Variants in NBPF14 observed in about 807,000 individuals in gnomAD.
NBPF14 encodes NBPF family member NBPF14.
NBPF14 carries 104 observed loss-of-function variants against 91.2 expected under a neutral mutation model. The observed-to-expected ratio is 1.14, with a 90% CI of 0.97 to 1.34. The LOEUF is 1.34. NBPF14 is among the 40% of genes most tolerant of loss of function. The probability of loss-of-function intolerance (pLI) is 0.00; values close to 1 mark genes in which losing one functional copy is unlikely to be tolerated. For missense variants in NBPF14, 908 were observed against 783.0 expected, an observed-to-expected ratio of 1.16 and a Z score of -1.91; for synonymous variants, 294 against 303.8, an observed-to-expected ratio of 0.97 and a Z score of 0.34.
chr1:148,571,483 G>A (rs1659173786), intron 22 of NBPF14, among the ~76,000 whole-genome samples, 199 bp downstream of exon 22: 1 of 13,004 alleles, frequency 7.7e-5, no homozygotes, highest in Non-Finnish European at 1.2e-4. Context: ...TCCACCTACA[G>A]TAGGTTAGTA....
intron 6 of NBPF14, among the ~76,000 whole-genome samples, chr1:148,589,776 A>C (rs1662140633): frequency 6.8e-6 from 1 of 146,678 alleles, no homozygotes; most frequent in African/African-American, 2.5e-5. Context: ...TCTGTCACGC[A>C]GGCTGCAGTG....
intron 29 of NBPF14, 77 bp downstream of exon 29, chr1:148,566,066 G>T: frequency 2.9e-6 from 1 of 342,152 alleles, no homozygotes; most frequent in South Asian, 2.4e-5. Flanking sequence ...GCTCAGTAAT[G>T]GCCACTTGGA....
chr1:148,578,896 C>G (rs1232966283), intron 13 of NBPF14, among the ~76,000 whole-genome samples, 178 bp downstream of exon 13: 1 of 148,098 alleles, frequency 6.8e-6, no homozygotes, highest in East Asian at 2.0e-4. Context: ...GCTCACTGAC[C>G]CACCCCATGC....
At chr1:148,594,399 TG>T (rs2149589365) in intron 2 of NBPF14, among the ~76,000 whole-genome samples, 1 of 127,428 alleles carries the variant, frequency 7.8e-6, no homozygotes, top group East Asian at 2.0e-4. Context: ...TGCCAATTAA[TG>T]TTCAAGGAGA....
chr1:148,590,426 A>G (rs1476158009), intron 6 of NBPF14, among the ~76,000 whole-genome samples: 14 of 125,462 alleles, frequency 1.1e-4, no homozygotes, highest in East Asian at 6.6e-4. Flanking sequence ...AGTGAATGAG[A>G]GTGGGAGGAT....
At chr1:148,583,811 C>A (rs1266329771) in intron 11 of NBPF14, among the ~76,000 whole-genome samples, 1 of 67,594 alleles carries the variant, frequency 1.5e-5, no homozygotes, top group Non-Finnish European at 2.4e-5. Flanking sequence ...AGAGGTTGCA[C>A]CAAGCCAAGA....
chr1:148,561,813 A>T lies in NBPF14; in HGVS notation c.4275-234T>A, dbSNP rs1198934594. 7.7e-4 allele frequency among the ~76,000 whole-genome samples: 105 copies of T among 136,874 alleles called. 9 individuals are homozygous for T. The highest frequency in any genetic ancestry group is 3.2e-3 in the African/African-American group (93 of 28,692). 89.8% of individuals were successfully genotyped at this position (136,874 alleles called of 152,430 possible). A position where few individuals can be genotyped will look rare whatever the true frequency, so the allele number is the denominator to read the frequency against. ...CACACACACACACAAACACACACAC[A>T]CACACAGAGAGAGAGAGAGAGAGAG... On this transcript the variant is annotated intron_variant, in intron 34 of 70. Coordinates refer to ENST00000619423, the Ensembl canonical transcript of NBPF14.
chr1:148,536,548 T>C (rs1279673729), intron 66 of NBPF14, among the ~76,000 whole-genome samples, 152 bp from the exon 67 acceptor site: 12 of 62,320 alleles, frequency 1.9e-4, no homozygotes, highest in East Asian at 4.3e-4. Flanking sequence ...TATGTTGGGA[T>C]AGAACAGGGC....
rs1266641289 is a variant in NBPF14 at position 148,587,396 on chromosome 1, T to C, written c.996A>G (p.Glu332=). 1.6e-5 allele frequency: 25 copies of C among 1,578,592 alleles called. 2 individuals are homozygous for C. In the Middle Eastern group the frequency reaches 1.3e-3, roughly 85 times the overall value. The change falls in exon 8 of 71, where the codon GAA becomes GAG. Residue 332 remains glutamate, a synonymous_variant. Transcript: ENST00000619423. ...TAAATTTTATGAGGTCTTTGCACTC[T>C]TCATATTCTGAGAAAAGACAGACAC...
Position 148,559,784 on chromosome 1 carries a change from G to A in NBPF14, c.4729+9C>T. The A allele has an allele frequency of 6.8e-7, 1 of 1,462,022 alleles. No homozygotes were observed. The highest frequency in any genetic ancestry group is 9.2e-7 in the Non-Finnish European group (1 of 1,083,854). The allele number at this position is 1,462,022 out of a possible 1,614,324, so 90.6% of individuals were successfully genotyped here. A position where few individuals can be genotyped will look rare whatever the true frequency, so the allele number is the denominator to read the frequency against. The stretch of plus-strand genomic sequence containing the variant: ...TGGATCCTTATCACCTTCATAGAAA[G>A]GTACTCACCATCCATGTCAACAGCC... On this transcript the variant is annotated intron_variant, in intron 37 of 70. Transcript: ENST00000619423.
chr1:148,579,946 C>T (rs1199733047), intron 12 of NBPF14, among the ~76,000 whole-genome samples: 15 of 152,022 alleles, frequency 9.9e-5, no homozygotes, highest in African/African-American at 3.6e-4. Flanking sequence ...ATCTGTAGGT[C>T]GCCATCATCA....
chr1:148,572,746 A>T (rs1659304814), intron 20 of NBPF14, 131 bp from the exon 21 acceptor site: 1 of 566,418 alleles, frequency 1.8e-6, no homozygotes, highest in Non-Finnish European at 3.1e-6. Flanking sequence ...GAGGTAACAA[A>T]TTATTGCCTT....
intron 68 of NBPF14, 111 bp from the exon 69 acceptor site, chr1:148,534,967 A>T (rs1413244215): frequency 3.0e-5 from 22 of 738,450 alleles, no homozygotes. Flanking sequence ...AAAAGGACAG[A>T]TCCATTAATG....
chr1:148,533,861 C>G (rs1209484657), exon 70 of NBPF14: 2 of 764,626 alleles, frequency 2.6e-6, no homozygotes, highest in Non-Finnish European at 4.8e-6. Context: ...TGAAAGTCAC[C>G]TGGGGCATGG....
rs1466330762 is a variant in NBPF14 at position 148,577,698 on chromosome 1, T to G, written c.1853+285A>C. Among the ~76,000 whole-genome samples the G allele has an allele frequency of 8.1e-3, 1,186 of 146,258 alleles. 8 individuals are homozygous for G. Among genetic ancestry groups the G allele is most frequent in the Non-Finnish European group, 0.012 (817 of 67,126 alleles). Reference sequence around the variant, plus strand: ...GTGAACAGTGATCATGAAAAGCATGTCCTCAATAATTTTGCATAAAATGTG... The same window carrying G: ...GTGAACAGTGATCATGAAAAGCATGGCCTCAATAATTTTGCATAAAATGTG... On this transcript the variant is annotated intron_variant, in intron 14 of 70. Coordinates refer to ENST00000619423, the Ensembl canonical transcript of NBPF14.
intron 8 of NBPF14, among the ~76,000 whole-genome samples, chr1:148,586,906 G>C (rs1194075623): frequency 7.0e-6 from 1 of 143,520 alleles, no homozygotes; most frequent in Non-Finnish European, 1.6e-5. Flanking sequence ...TGACAGGGTC[G>C]AGGAGGCAAC....
chr1:148,535,455 G>T (rs1342212289), exon 68 of NBPF14: 1 of 479,134 alleles, frequency 2.1e-6, no homozygotes, highest in Non-Finnish European at 3.5e-6. Context: ...AAAGTTACCT[G>T]GGGCATGATG....
At chr1:148,587,240 C>A (rs1430960588) in intron 8 of NBPF14, 61 bp downstream of exon 8, 1 of 1,399,060 alleles carries the variant, frequency 7.1e-7, no homozygotes. Flanking sequence ...CCCCACTGAG[C>A]TGCTGTACTT....
At chr1:148,560,245 C>A (rs1350803439) in intron 36 of NBPF14, among the ~76,000 whole-genome samples, 27 of 148,982 alleles carry the variant, frequency 1.8e-4, no homozygotes, top group African/African-American at 6.6e-4. Flanking sequence ...GTAAGGGAGT[C>A]AAAGGACACT....
Sources: gnomAD v4.1 joint callset for allele counts (sites outside exome capture counted in the v4.1 genomes callset) on GRCh38, gnomAD v4.1.1 for gene constraint, MANE v1.5 for transcripts, NCBI Gene and HGNC (gene_info 2026-07-23, HGNC 2026-07-21) for gene names.